The following TLL1 variants were observed in gnomAD, a reference collection of about 807,000 sequenced individuals.
TLL1 encodes tolloid-like protein 1.
A neutral mutation model predicts 128.2 loss-of-function variants in TLL1; 49 were observed. The observed-to-expected ratio is 0.38, with a 90% CI of 0.30 to 0.48. The LOEUF (loss-of-function observed/expected upper bound fraction) is 0.48, where lower values mean the gene tolerates loss of function less well. Ranked by LOEUF, TLL1 falls within the 20% of genes least tolerant of loss-of-function variation. TLL1 has a pLI of 0.96. For missense variants in TLL1, 1,123 were observed against 1,242.0 expected (o/e 0.90, Z 1.44); for synonymous variants, 454 against 418.8 (o/e 1.08, Z -1.03).
Position 165,915,259 on chromosome 4 carries a change from C to T in TLL1, c.169+41186C>T, listed in dbSNP as rs534492968. ...AATACTAATAGCTCAAACTGGAATT[C>T]TTTTTAAGGAAGATAGTCTGGGAAA... On this transcript the variant is annotated intron_variant, in intron 1 of 20. Coordinates refer to ENST00000061240, the MANE Select transcript of TLL1 (RefSeq NM_012464.5). Among the ~76,000 whole-genome samples the T allele has an allele frequency of 3.9e-5, 6 of 152,090 alleles. No homozygotes were observed. The East Asian group carries it at 1.2e-3, about 29-fold the overall frequency.
rs10050131 is a variant in TLL1, at chr4:165,900,539, C to A, written c.169+26466C>A. Among the ~76,000 whole-genome samples, 1,112 of 152,260 alleles carry A rather than the reference C, an allele frequency of 7.3e-3. 21 individuals are homozygous for A. Among genetic ancestry groups the A allele is most frequent in the African/African-American group, 0.026 (1,078 of 41,550 alleles). Reference sequence around the variant, plus strand: ...GAAATTCTGGGTTGAAAATTCTTTTCTTTAAGAATGTTGAATATTGGCCCC... The same window carrying A: ...GAAATTCTGGGTTGAAAATTCTTTTATTTAAGAATGTTGAATATTGGCCCC... On this transcript the variant is annotated intron_variant, in intron 1 of 20. Coordinates refer to ENST00000061240, the MANE Select transcript of TLL1 (RefSeq NM_012464.5).
intron 1 of TLL1, among the ~76,000 whole-genome samples, chr4:165,917,734 G>A (rs1259885565): frequency 6.6e-6 from 1 of 151,970 alleles, no homozygotes; most frequent in Admixed American, 6.6e-5. Context: ...AGTTAAGATT[G>A]GGCATATTTA....
intron 1 of TLL1, among the ~76,000 whole-genome samples, chr4:165,953,221 C>T (rs188461958): frequency 5.3e-5 from 8 of 152,068 alleles, no homozygotes; most frequent in African/African-American, 7.2e-5. Flanking sequence ...GTGTGGGAGA[C>T]GGGTCCAAGT....
chr4:165,975,496 A>G (rs1735834543), intron 1 of TLL1, among the ~76,000 whole-genome samples: 1 of 152,362 alleles, frequency 6.6e-6, no homozygotes, highest in African/African-American at 2.4e-5. Context: ...ATTCTAACTT[A>G]TACAAATTGT....
chr4:165,925,234 G>A (rs1733216985), intron 1 of TLL1, among the ~76,000 whole-genome samples: 1 of 152,148 alleles, frequency 6.6e-6, no homozygotes. Context: ...ATGGATTTGG[G>A]TCTGAGCAAA....
chr4:165,998,643 A>G (rs1737000150), intron 5 of TLL1, among the ~76,000 whole-genome samples: 1 of 151,864 alleles, frequency 6.6e-6, no homozygotes. Flanking sequence ...AATACAAAAA[A>G]AAAATTAGCC....
intron 16 of TLL1, among the ~76,000 whole-genome samples, chr4:166,073,799 TA>T (rs1285236788): frequency 6.6e-6 from 1 of 152,102 alleles, no homozygotes; most frequent in Admixed American, 6.6e-5. Context: ...ATTGAATTGA[TA>T]AAAAAGCAAA....
chr4:166,093,846 T>C (rs1007214623), intron 19 of TLL1, among the ~76,000 whole-genome samples: 1 of 152,174 alleles, frequency 6.6e-6, no homozygotes, highest in Non-Finnish European at 1.5e-5. Context: ...GTAAACATTT[T>C]GTTAACAAGG....
intron 1 of TLL1, among the ~76,000 whole-genome samples, chr4:165,884,404 A>T (rs1731086509): frequency 6.6e-6 from 1 of 152,234 alleles, no homozygotes. Flanking sequence ...GAGCACTGCA[A>T]CTTTTAAGTA....
chr4:165,953,516 G>A (rs748227098), intron 1 of TLL1, among the ~76,000 whole-genome samples: 6 of 147,826 alleles, frequency 4.1e-5, no homozygotes, highest in Non-Finnish European at 7.4e-5. Flanking sequence ...TGTTGTTGTT[G>A]CTTTCCATTT....
At chr4:166,034,809 C>A (rs540392113) in intron 9 of TLL1, among the ~76,000 whole-genome samples, 1 of 152,186 alleles carries the variant, frequency 6.6e-6, no homozygotes, top group East Asian at 1.9e-4. Context: ...AATTTGTGGA[C>A]AATAGAAATT....
chr4:165,892,839 G>A (rs1410925188), intron 1 of TLL1, among the ~76,000 whole-genome samples: 1 of 152,006 alleles, frequency 6.6e-6, no homozygotes. Context: ...TTTGTATTAT[G>A]TTCATTCTTT....
intron 1 of TLL1, among the ~76,000 whole-genome samples, chr4:165,975,340 C>T (rs1735827540): frequency 6.6e-6 from 1 of 152,084 alleles, no homozygotes; most frequent in African/African-American, 2.4e-5. Flanking sequence ...TCCCCCACGC[C>T]ACCCAACCCC....
chr4:166,044,744 G>A (rs376941560), intron 12 of TLL1, among the ~76,000 whole-genome samples: 3 of 152,032 alleles, frequency 2.0e-5, no homozygotes, highest in Non-Finnish European at 4.4e-5. Context: ...CAAAAAAAAG[G>A]CTCATAAAAA....
chr4:166,088,933 C>A (rs1284492131), intron 18 of TLL1, among the ~76,000 whole-genome samples: 2 of 152,126 alleles, frequency 1.3e-5, no homozygotes, highest in East Asian at 1.9e-4. Context: ...TTCAATGGAC[C>A]AATCAACGGA....
chr4:165,961,210 C>T (rs1735084018), intron 1 of TLL1, among the ~76,000 whole-genome samples: 1 of 151,748 alleles, frequency 6.6e-6, no homozygotes, highest in Non-Finnish European at 1.5e-5. Flanking sequence ...AGAACACGGT[C>T]CCATTTACAT....
chr4:166,061,110 G>A (rs936383822), intron 15 of TLL1, among the ~76,000 whole-genome samples: 4 of 152,176 alleles, frequency 2.6e-5, no homozygotes, highest in South Asian at 4.1e-4. Flanking sequence ...ATCAGAGAAC[G>A]GAAATGTAAT....
intron 1 of TLL1, among the ~76,000 whole-genome samples, chr4:165,978,301 A>G (rs1255217227): frequency 6.6e-6 from 1 of 151,930 alleles, no homozygotes; most frequent in Non-Finnish European, 1.5e-5. Context: ...AGAAAGAGGA[A>G]ATATATATAC....
At chr4:165,885,122 G>A (rs574726014) in intron 1 of TLL1, among the ~76,000 whole-genome samples, 1 of 152,202 alleles carries the variant, frequency 6.6e-6, no homozygotes, top group Non-Finnish European at 1.5e-5. Flanking sequence ...AACCGTATCT[G>A]GGTAGTGGTA....
Sources: gnomAD v4.1 joint callset for allele counts (sites outside exome capture counted in the v4.1 genomes callset) on GRCh38, gnomAD v4.1.1 for gene constraint, MANE v1.5 for transcripts, NCBI Gene and HGNC (gene_info 2026-07-23, HGNC 2026-07-21) for gene names.